The following TTLL4 variants were observed in gnomAD, a reference collection of about 807,000 sequenced individuals.
TTLL4 encodes tubulin monoglutamylase TTLL4.
In TTLL4, 85 loss-of-function variants were observed where a neutral mutation model predicts 122.7. The ratio of observed to expected loss-of-function variants is 0.69; its 90% CI spans 0.58 to 0.83. The LOEUF is 0.83. TTLL4 is among the 40% of genes least tolerant of loss of function. The probability of loss-of-function intolerance (pLI) is 0.00; values close to 1 mark genes in which losing one functional copy is unlikely to be tolerated. For synonymous variants in TTLL4, 553 were observed against 563.0 expected (o/e 0.98, Z 0.25); for missense variants, 1,363 against 1,488.6 (o/e 0.92, Z 1.39).
chr2:218,753,233 C>T (rs747737242), intron 18 of TTLL4, 48 bp downstream of exon 18: 3 of 1,604,420 alleles, frequency 1.9e-6, no homozygotes, highest in Non-Finnish European at 2.6e-6. Context: ...GCCCCTCCCT[C>T]CTCTGCCTTA....
chr2:218,748,363 G>A, intron 12 of TTLL4, 136 bp downstream of exon 12: 1 of 1,367,106 alleles, frequency 7.3e-7, no homozygotes, highest in Non-Finnish European at 9.7e-7. Flanking sequence ...TTCAGAATTG[G>A]TCTATTTGAG....
Position 218,747,576 on chromosome 2 carries a change from G to C in TTLL4, c.2250-21G>C, listed in dbSNP as rs1272447232. The stretch of plus-strand genomic sequence containing the variant: ...GCCCCATCATCTGGCTGTATGAGAA[G>C]CTGGCCTTTGTCCTATGTAGGTATC... On this transcript the variant is annotated intron_variant, in intron 10 of 19. Transcript: ENST00000392102. The surrounding 1 kb of genome is among the most constrained non-coding windows in gnomAD (Gnocchi z 4.7). The C allele has an allele frequency of 6.2e-7, 1 of 1,612,684 alleles. No homozygotes were observed. The highest frequency in any genetic ancestry group is 2.2e-5 in the East Asian group (1 of 44,878).
chr2:218,749,861 T>C, intron 14 of TTLL4, 148 bp from the exon 15 acceptor site: 1 of 1,092,082 alleles, frequency 9.2e-7, no homozygotes, highest in East Asian at 2.4e-5. Flanking sequence ...CAAGAGAGTC[T>C]TGTGATGGTG....
At chr2:218,731,197 G>A (rs1942372034) in intron 2 of TTLL4, among the ~76,000 whole-genome samples, 1 of 151,932 alleles carries the variant, frequency 6.6e-6, no homozygotes, top group African/African-American at 2.4e-5. Flanking sequence ...GATCACTTGA[G>A]GTCAGGAGTT....
At position 218,753,639 on chromosome 2, in the gene TTLL4, C is replaced by A; in HGVS notation, c.3314C>A (p.Ala1105Asp). ...TCAAAGGATGACGTGATACTCAATGCCTTCAGCAAATCAGAGACTAGCAAG... is the reference window on the plus strand; with the variant it reads ...TCAAAGGATGACGTGATACTCAATGACTTCAGCAAATCAGAGACTAGCAAG... ...TISKDDVILN[A>D]FSKSETSKLG... Residue 1105 changes from alanine (A) to aspartate (D), a missense_variant, in exon 19 of 20, where the codon GCC becomes GAC. By Grantham distance (126) the Ala-to-Asp change is moderately radical (BLOSUM62 -2). This residue lies in a region of TTLL4 where 596 missense variants were observed against 655.8 expected (regional missense o/e 0.91). Coordinates refer to ENST00000392102, the MANE Select transcript of TTLL4 (RefSeq NM_014640.5). 6.2e-7 allele frequency: 1 copy of A among 1,614,204 alleles called. No individual in the cohort carries two copies. The highest frequency in any genetic ancestry group is 1.1e-5 in the South Asian group (1 of 91,082).
intron 1 of TTLL4, among the ~76,000 whole-genome samples, chr2:218,721,912 G>T (rs1942051476): frequency 6.6e-6 from 1 of 152,036 alleles, no homozygotes; most frequent in Non-Finnish European, 1.5e-5. Context: ...TCACTTGAGG[G>T]CAGGAATTCG....
downstream of TTLL4, among the ~76,000 whole-genome samples, chr2:218,758,212 C>T (rs543350594): frequency 6.6e-6 from 1 of 152,272 alleles, no homozygotes; most frequent in South Asian, 2.1e-4. Context: ...TTTTCTAAAA[C>T]CCATCTGTGT....
intron 1 of TTLL4, among the ~76,000 whole-genome samples, chr2:218,716,084 T>C (rs1941849342): frequency 6.6e-6 from 1 of 152,184 alleles, no homozygotes. Context: ...AAAAATCATA[T>C]CACCACAATC....
intron 15 of TTLL4, among the ~76,000 whole-genome samples, chr2:218,751,432 ACCACAATAAGGCTTATT>A (rs1943011271): frequency 6.6e-6 from 1 of 152,174 alleles, no homozygotes; most frequent in African/African-American, 2.4e-5. Flanking sequence ...TGAAGTATAT[ACCACAATAAGGCTTATT>A]GCAAGGTCCT....
chr2:218,749,080 T>G, intron 13 of TTLL4, 146 bp downstream of exon 13: 1 of 1,255,714 alleles, frequency 8.0e-7, no homozygotes, highest in African/African-American at 1.5e-5. Context: ...AGAGTTAAGT[T>G]CTAATGAACC....
downstream of TTLL4, among the ~76,000 whole-genome samples, chr2:218,757,925 G>C (rs1230191243): frequency 6.6e-6 from 1 of 152,190 alleles, no homozygotes; most frequent in Non-Finnish European, 1.5e-5. Flanking sequence ...CCCAACTGCT[G>C]TGAGACTTGG....
chr2:218,728,312 C>A (rs1045715914), intron 2 of TTLL4, among the ~76,000 whole-genome samples: 1 of 152,196 alleles, frequency 6.6e-6, no homozygotes, highest in African/African-American at 2.4e-5. Context: ...TTTCCTGAAA[C>A]TAGATGGTCC....
At chr2:218,732,024 C>CA (rs911930432) in intron 2 of TTLL4, among the ~76,000 whole-genome samples, 1 of 152,160 alleles carries the variant, frequency 6.6e-6, no homozygotes, top group African/African-American at 2.4e-5. Flanking sequence ...TTAGATTATT[C>CA]AAAATATCAT....
At chr2:218,712,717 A>C (rs1448444000) in intron 1 of TTLL4, among the ~76,000 whole-genome samples, 5 of 152,034 alleles carry the variant, frequency 3.3e-5, no homozygotes, top group Non-Finnish European at 1.5e-5. Flanking sequence ...AACTTCCCTT[A>C]CAAAAAAAGG....
At chr2:218,743,032 T>G (rs773549814) in intron 5 of TTLL4, among the ~76,000 whole-genome samples, 5 of 151,796 alleles carry the variant, frequency 3.3e-5, no homozygotes, top group Non-Finnish European at 7.4e-5. Flanking sequence ...TAATCCCAGC[T>G]ACTCGGGAGG....
At chr2:218,737,079 C>A (rs1231698002) in intron 2 of TTLL4, among the ~76,000 whole-genome samples, 1 of 152,050 alleles carries the variant, frequency 6.6e-6, no homozygotes, top group African/African-American at 2.4e-5. Flanking sequence ...TGGGCTCAAG[C>A]TGGGATTACA....
At chr2:218,729,897 AG>A (rs1942316915) in intron 2 of TTLL4, among the ~76,000 whole-genome samples, 1 of 152,102 alleles carries the variant, frequency 6.6e-6, no homozygotes, top group African/African-American at 2.4e-5. Flanking sequence ...CTGGGACTAC[AG>A]GCTTGTGCTA....
rs149630115 is a variant in TTLL4 at position 218,738,579 on chromosome 2, C to T, written c.903C>T (p.Ala301=). 1 of 1,614,230 alleles carries T rather than the reference C, an allele frequency of 6.2e-7. No individual in the cohort carries two copies. Among genetic ancestry groups the T allele is most frequent in the African/African-American group, 1.3e-5 (1 of 75,054 alleles). ...ACGACACATCCACCACCAGTGTTGC[C>T]TCTTCCTGGTATAACCGGAATAACT... ...SSHDTSTTSV[A]SSWYNRNNLA... The change falls in exon 3 of 20, where the codon GCC becomes GCT. Residue 301 remains alanine (A), a synonymous_variant. Coordinates refer to ENST00000392102, the MANE Select transcript of TTLL4 (RefSeq NM_014640.5).
At chr2:218,712,476 T>A (rs928501239) in intron 1 of TTLL4, among the ~76,000 whole-genome samples, 1 of 151,316 alleles carries the variant, frequency 6.6e-6, no homozygotes, top group Non-Finnish European at 1.5e-5. Flanking sequence ...AACTTCCACC[T>A]CCTGGGTTCA....
Sources: gnomAD v4.1 joint callset for allele counts (sites outside exome capture counted in the v4.1 genomes callset) on GRCh38, gnomAD v4.1.1 for gene constraint, gnomAD v4.1.1 regional missense constraint, Gnocchi (gnomAD v3.1) non-coding constraint, MANE v1.5 for transcripts, NCBI Gene and HGNC (gene_info 2026-07-23, HGNC 2026-07-21) for gene names.